The following BCAS3 variants were observed in gnomAD, a reference collection of about 807,000 sequenced individuals.
BCAS3 encodes the protein BCAS3 microtubule associated cell migration factor, also known as BCAS4/BCAS3 fusion.
In BCAS3, 53 loss-of-function variants were observed where a neutral mutation model predicts 116.1. The ratio of observed to expected loss-of-function variants is 0.46; its 90% CI spans 0.37 to 0.57. The LOEUF is 0.57. BCAS3 is among the 20% of genes least tolerant of loss of function. The pLI is 0.00. For missense variants in BCAS3, 917 were observed against 1,165.4 expected, an observed-to-expected ratio of 0.79 and a Z score of 3.10; for synonymous variants, 391 against 408.2, an observed-to-expected ratio of 0.96 and a Z score of 0.51.
chr17:60,916,864 T>C lies in BCAS3; in HGVS notation c.993+6162T>C, dbSNP rs1299548132. Among the ~76,000 whole-genome samples, 5 of 152,158 alleles carry C rather than the reference T, an allele frequency of 3.3e-5. No individual in the cohort carries two copies. In the East Asian group the frequency reaches 7.7e-4, roughly 23 times the overall value. On this transcript the variant is annotated intron_variant, in intron 12 of 23. Transcript: ENST00000407086. ...TCTTATAACTCAAAAATAAAAAGACTACCTAATTTTCAATGAGCAATGGAT... is the reference window on the plus strand; with the variant it reads ...TCTTATAACTCAAAAATAAAAAGACCACCTAATTTTCAATGAGCAATGGAT...
chr17:60,866,227 C>T (rs1370135601), intron 7 of BCAS3, among the ~76,000 whole-genome samples: 2 of 151,444 alleles, frequency 1.3e-5, no homozygotes, highest in Admixed American at 6.6e-5. Flanking sequence ...CAGTTTCAAG[C>T]GATTCTCCTG....
At position 61,215,570 on chromosome 17, in the gene BCAS3, A is replaced by G. The variant is rs758992176; in HGVS notation, c.2425+131006A>G. On this transcript the variant is annotated intron_variant, in intron 22 of 23. Transcript: ENST00000407086. The surrounding 1 kb of genome is among the most constrained non-coding windows in gnomAD (Gnocchi z 4.8). Reference sequence around the variant, plus strand: ...ACCAAGATACATTATGCCACTGACTATAAAATACAGAGGAACATACTTTTT... The same window carrying G: ...ACCAAGATACATTATGCCACTGACTGTAAAATACAGAGGAACATACTTTTT... Among the ~76,000 whole-genome samples the G allele has an allele frequency of 2.0e-5, 3 of 152,258 alleles. No individual in the cohort carries two copies. The highest frequency in any genetic ancestry group is 4.8e-5 in the African/African-American group (2 of 41,470).
rs117874669 is a variant in BCAS3, at chr17:60,906,033, T to C, written c.822+3330T>C. Among the ~76,000 whole-genome samples the C allele has an allele frequency of 5.3e-4, 81 of 152,306 alleles. 1 individual carries two copies. The East Asian group carries it at 0.015, about 28-fold the overall frequency. On this transcript the variant is annotated intron_variant, in intron 11 of 23. Transcript: ENST00000407086. Reference sequence around the variant, plus strand: ...GTTGAATATACCTGACTTCCAGATATCCCTTTTCTATTGGCACAGCTGCTG... The same window carrying C: ...GTTGAATATACCTGACTTCCAGATACCCCTTTTCTATTGGCACAGCTGCTG...
At chr17:60,954,164 A>AT (rs1482137075) in intron 14 of BCAS3, among the ~76,000 whole-genome samples, 2 of 151,948 alleles carry the variant, frequency 1.3e-5, no homozygotes, top group Non-Finnish European at 2.9e-5. Flanking sequence ...TGAAGATCAG[A>AT]TGGTTGTAGG....
rs907471133 is a variant in BCAS3 at position 61,219,273 on chromosome 17, G to A, written c.2425+134709G>A. On this transcript the variant is annotated intron_variant, in intron 22 of 23. Transcript: ENST00000407086. The surrounding 1 kb of genome is among the most constrained non-coding windows in gnomAD (Gnocchi z 5.2). The stretch of plus-strand genomic sequence containing the variant: ...CCTTGTCCAGAAATCCTGTGTCTCA[G>A]TGGTACCCAGCGATACCCTGGAGAG... Among the ~76,000 whole-genome samples, 28 of 152,130 alleles carry A rather than the reference G, an allele frequency of 1.8e-4. No individual in the cohort carries two copies. Among genetic ancestry groups the A allele is most frequent in the Admixed American group, 2.6e-4 (4 of 15,276 alleles).
At chr17:61,042,379 A>G (rs747345170) in intron 19 of BCAS3, among the ~76,000 whole-genome samples, 5 of 151,990 alleles carry the variant, frequency 3.3e-5, no homozygotes, top group Non-Finnish European at 7.4e-5. Context: ...GGGAAAAGAT[A>G]TAGCTATATC....
At chr17:60,791,341 A>G (rs995838159) in intron 6 of BCAS3, among the ~76,000 whole-genome samples, 2 of 152,144 alleles carry the variant, frequency 1.3e-5, no homozygotes, top group African/African-American at 4.8e-5. Flanking sequence ...ATCAATTAAC[A>G]TGGATTGTTA....
chr17:61,345,180 G>A (rs56722945), intron 22 of BCAS3, among the ~76,000 whole-genome samples: 4 of 152,142 alleles, frequency 2.6e-5, no homozygotes, highest in East Asian at 1.9e-4. Context: ...AACTAAAGCC[G>A]GGAAGAGCTG....
rs565417662 is a variant in BCAS3 at position 61,247,055 on chromosome 17, A to G, written c.2426-121272A>G. Among the ~76,000 whole-genome samples, 49 of 152,248 alleles carry G rather than the reference A, an allele frequency of 3.2e-4. No individual in the cohort carries two copies. The East Asian group carries it at 9.1e-3, about 28-fold the overall frequency. ...TTCCCAAGTGTTTAATTTTTTAAGT[A>G]CAGTGTATATTAATTTCACTGCTAC... On this transcript the variant is annotated intron_variant, in intron 22 of 23. Coordinates refer to ENST00000407086, the MANE Select transcript of BCAS3 (RefSeq NM_017679.5).
At chr17:60,888,436 G>T (rs1026509172) in intron 9 of BCAS3, among the ~76,000 whole-genome samples, 2 of 152,048 alleles carry the variant, frequency 1.3e-5, no homozygotes, top group Non-Finnish European at 2.9e-5. Context: ...CTTTCTTATA[G>T]ATCATATTTA....
chr17:61,267,623 C>G (rs889799933), intron 22 of BCAS3, among the ~76,000 whole-genome samples: 1 of 145,056 alleles, frequency 6.9e-6, no homozygotes, highest in Non-Finnish European at 1.5e-5. Context: ...TGTAATCCTC[C>G]TGGATTACAG....
intron 9 of BCAS3, among the ~76,000 whole-genome samples, chr17:60,881,168 A>T (rs1367636705): frequency 6.6e-6 from 1 of 151,742 alleles, no homozygotes; most frequent in Admixed American, 6.6e-5. Context: ...TAGAGATGGG[A>T]TTTCACTGTG....
rs1423725604 is a variant in BCAS3 at position 60,886,706 on chromosome 17, G to A, written c.662-2989G>A. Reference sequence around the variant, plus strand: ...CAGGTCTGTTGGAATAACCTGCCGTGTGAGGTGTCAGTGTGCTCCTGCTGG... The same window carrying A: ...CAGGTCTGTTGGAATAACCTGCCGTATGAGGTGTCAGTGTGCTCCTGCTGG... On this transcript the variant is annotated intron_variant, in intron 9 of 23. Coordinates refer to ENST00000407086, the MANE Select transcript of BCAS3 (RefSeq NM_017679.5). Among the ~76,000 whole-genome samples the A allele has an allele frequency of 1.3e-5, 2 of 152,094 alleles. 1 individual carries two copies. Among genetic ancestry groups the A allele is most frequent in the Admixed American group, 1.3e-4 (2 of 15,260 alleles).
At chr17:60,736,916 T>TCCTCCCTTCCTCCCTC (rs1158917578) in intron 5 of BCAS3, among the ~76,000 whole-genome samples, 1 of 122,636 alleles carries the variant, frequency 8.2e-6, no homozygotes, top group Non-Finnish European at 1.6e-5. Context: ...CTTCCTCCCT[T>TCCTCCCTTCCTCCCTC]CCTCCCTTCC....
chr17:60,971,370 T>A (rs1300867483), intron 14 of BCAS3, among the ~76,000 whole-genome samples: 1 of 152,184 alleles, frequency 6.6e-6, no homozygotes, highest in African/African-American at 2.4e-5. Flanking sequence ...TTCCATATTG[T>A]CTCTATACTC....
In BCAS3 at chr17:61,088,253, A is replaced by G. The variant is rs2073245209; in HGVS notation, c.2425+3689A>G. ...AATTTGTGGGGGTTAAATAATTGTA[A>G]GATGTTCCATTGTTGGCTGAGGAGA... is the stretch of plus-strand genomic sequence containing the variant. On this transcript the variant is annotated intron_variant, in intron 22 of 23. Transcript: ENST00000407086. This position sits in a 1 kb window ranked among gnomAD's most constrained non-coding sequence, Gnocchi z 4.2. Among the ~76,000 whole-genome samples the G allele has an allele frequency of 6.6e-6, 1 of 152,174 alleles. No homozygotes were observed. Among genetic ancestry groups the G allele is most frequent in the Admixed American group, 6.6e-5 (1 of 15,262 alleles).
chr17:60,723,267 C>G (rs182194820), intron 5 of BCAS3, among the ~76,000 whole-genome samples: 95 of 152,048 alleles, frequency 6.2e-4, no homozygotes, highest in African/African-American at 2.1e-3. Flanking sequence ...GCTCTGTTGC[C>G]CAGGCTGGAG....
chr17:61,011,966 TC>T (rs1379528031), intron 15 of BCAS3, among the ~76,000 whole-genome samples: 3 of 151,912 alleles, frequency 2.0e-5, no homozygotes, highest in African/African-American at 7.3e-5. Context: ...TTTATACATT[TC>T]TCCTGCTTTA....
At chr17:60,980,955 T>G (rs771051391) in intron 14 of BCAS3, among the ~76,000 whole-genome samples, 8 of 152,026 alleles carry the variant, frequency 5.3e-5, no homozygotes, top group Non-Finnish European at 1.0e-4. Context: ...CACCCTAGCC[T>G]CTTAAGTAGC....
Sources: allele counts gnomAD v4.1 joint callset (sites outside exome capture counted in the v4.1 genomes callset), GRCh38; gene constraint gnomAD v4.1.1; non-coding constraint Gnocchi (gnomAD v3.1); transcripts MANE v1.5; gene names NCBI Gene and HGNC (gene_info 2026-07-23, HGNC 2026-07-21).